Variants in PTPRG observed in about 807,000 individuals in gnomAD.
PTPRG encodes the protein receptor-type tyrosine-protein phosphatase gamma.
PTPRG carries 102 observed loss-of-function variants against 165.3 expected under a neutral mutation model. That is an observed-to-expected ratio of 0.62 (90% CI 0.53 to 0.73). PTPRG has a LOEUF of 0.73. Among genes scored for constraint, PTPRG ranks in the 30% least tolerant of loss-of-function variants. The probability of loss-of-function intolerance (pLI) is 0.00; values close to 1 mark genes in which losing one functional copy is unlikely to be tolerated. For synonymous variants in PTPRG, 675 were observed against 669.5 expected (o/e 1.01, Z -0.13); for missense variants, 1,866 against 1,861.4 (o/e 1.00, Z -0.05).
intron 15 of PTPRG, among the ~76,000 whole-genome samples, chr3:62,248,121 T>C (rs1157141135): frequency 6.6e-6 from 1 of 152,178 alleles, no homozygotes; most frequent in Non-Finnish European, 1.5e-5. Flanking sequence ...TTAGCCATGT[T>C]AGAAAAAACT....
intron 5 of PTPRG, among the ~76,000 whole-genome samples, chr3:62,087,249 G>C (rs964748839): frequency 1.3e-5 from 2 of 152,134 alleles, no homozygotes; most frequent in African/African-American, 4.8e-5. Context: ...GCCAAGCCAA[G>C]AATTTGAGTT....
At position 62,124,116 on chromosome 3, in the gene PTPRG, T is replaced by C. The variant is rs552193295; in HGVS notation, c.616-8486T>C. ...CATTCAACTTGTCCTCCTTGTGAAA[T>C]GGTTGAAAAATAAGTTCAGCGCTTA... is the stretch of plus-strand genomic sequence containing the variant. On this transcript the variant is annotated intron_variant, in intron 5 of 29. Transcript: ENST00000474889. 1.4e-5 allele frequency: 8 copies of C among 561,872 alleles called. No individual in the cohort carries two copies. In the East Asian group the frequency reaches 2.0e-4, roughly 14 times the overall value. 34.8% of individuals were successfully genotyped at this position (561,872 alleles called of 1,614,324 possible). A position where few individuals can be genotyped will look rare whatever the true frequency, so the allele number is the denominator to read the frequency against.
chr3:62,003,295 C>G lies in PTPRG; in HGVS notation c.371-54C>G, dbSNP rs1418224860. 1.9e-6 allele frequency: 3 copies of G among 1,564,310 alleles called. No individual in the cohort carries two copies. In the African/African-American group the frequency reaches 4.1e-5, roughly 21 times the overall value. On this transcript the variant is annotated intron_variant, in intron 3 of 29. Coordinates refer to ENST00000474889, the MANE Select transcript of PTPRG (RefSeq NM_002841.4). Reference sequence around the variant, plus strand: ...TTTATTAGAAGTAACAGAAAAACTCCATTTGGTTTTGAAACTCACTTTGTT... The same window carrying G: ...TTTATTAGAAGTAACAGAAAAACTCGATTTGGTTTTGAAACTCACTTTGTT...
chr3:62,107,315 G>A (rs1439742961), intron 5 of PTPRG, among the ~76,000 whole-genome samples: 1 of 152,180 alleles, frequency 6.6e-6, no homozygotes, highest in African/African-American at 2.4e-5. Context: ...CCTAATTTGA[G>A]ATTTTTGTGT....
chr3:61,771,815 C>G (rs2034213408), intron 2 of PTPRG, among the ~76,000 whole-genome samples: 1 of 151,964 alleles, frequency 6.6e-6, no homozygotes, highest in Non-Finnish European at 1.5e-5. Flanking sequence ...AATCCCACCA[C>G]TTTGGGAGGC....
At chr3:61,921,979 T>A (rs1485678044) in intron 2 of PTPRG, among the ~76,000 whole-genome samples, 2 of 152,222 alleles carry the variant, frequency 1.3e-5, no homozygotes, top group Non-Finnish European at 2.9e-5. Flanking sequence ...CAGATCTGTC[T>A]TTAATGTATC....
At chr3:61,713,374 T>C (rs1434168498) in intron 1 of PTPRG, among the ~76,000 whole-genome samples, 1 of 150,894 alleles carries the variant, frequency 6.6e-6, no homozygotes, top group East Asian at 2.0e-4. Context: ...GGTTTCACCA[T>C]GTTGGCCAGG....
intron 1 of PTPRG, among the ~76,000 whole-genome samples, chr3:61,630,401 T>G (rs939616403): frequency 2.0e-5 from 3 of 152,212 alleles, no homozygotes; most frequent in African/African-American, 7.2e-5. Context: ...CATTTAAGTT[T>G]TCTTAGCGTT....
intron 2 of PTPRG, among the ~76,000 whole-genome samples, chr3:61,791,689 T>C (rs1320554001): frequency 1.3e-5 from 2 of 152,194 alleles, no homozygotes; most frequent in Non-Finnish European, 2.9e-5. Context: ...GGTTTCACCA[T>C]GTTGGCCAGG....
At chr3:61,739,511 A>C (rs903871105) in intron 1 of PTPRG, among the ~76,000 whole-genome samples, 2 of 152,204 alleles carry the variant, frequency 1.3e-5, no homozygotes, top group Non-Finnish European at 2.9e-5. Flanking sequence ...ATGATGCCTA[A>C]AATTCAATTT....
chr3:61,567,693 C>G (rs1374996900), intron 1 of PTPRG, among the ~76,000 whole-genome samples: 2 of 128,226 alleles, frequency 1.6e-5, no homozygotes, highest in Admixed American at 7.8e-5. Context: ...ATTAAAAGAT[C>G]AAATGTAGGC....
chr3:61,634,272 C>T (rs1208831388), intron 1 of PTPRG, among the ~76,000 whole-genome samples: 1 of 152,000 alleles, frequency 6.6e-6, no homozygotes, highest in Non-Finnish European at 1.5e-5. Flanking sequence ...GAGTCTCCTA[C>T]TGTCATCTGG....
At chr3:62,197,139 TC>T (rs1699985482) in intron 10 of PTPRG, among the ~76,000 whole-genome samples, 1 of 152,162 alleles carries the variant, frequency 6.6e-6, no homozygotes, top group African/African-American at 2.4e-5. Flanking sequence ...TGAGAATGTT[TC>T]TTAACTGCTT....
Position 62,224,398 on chromosome 3 carries a change from T to C in PTPRG, c.2288+5415T>C, listed in dbSNP as rs1700716284. ...CTGGAACACATATCTCCCAAACTGG[T>C]GTAGCAGGGATAGAGAAGTTGAGGA... is the stretch of plus-strand genomic sequence containing the variant. On this transcript the variant is annotated intron_variant, in intron 13 of 29. Coordinates refer to ENST00000474889, the MANE Select transcript of PTPRG (RefSeq NM_002841.4). This position sits in a 1 kb window ranked among gnomAD's most constrained non-coding sequence, Gnocchi z 4.9. Among the ~76,000 whole-genome samples the C allele has an allele frequency of 6.6e-6, 1 of 152,280 alleles. No homozygotes were observed. The highest frequency in any genetic ancestry group is 1.5e-5 in the Non-Finnish European group (1 of 68,016).
At chr3:61,910,636 C>T (rs776926677) in intron 2 of PTPRG, among the ~76,000 whole-genome samples, 1 of 152,136 alleles carries the variant, frequency 6.6e-6, no homozygotes, top group Non-Finnish European at 1.5e-5. Context: ...CCTTGTAGTA[C>T]CTGGTGCAGG....
At chr3:61,798,741 C>A (rs2035139466) in intron 2 of PTPRG, among the ~76,000 whole-genome samples, 1 of 151,142 alleles carries the variant, frequency 6.6e-6, no homozygotes, top group African/African-American at 2.4e-5. Flanking sequence ...TAAAAGTTGG[C>A]TCAACAACAG....
intron 1 of PTPRG, among the ~76,000 whole-genome samples, chr3:61,576,881 C>G (rs1311880017): frequency 6.6e-6 from 1 of 152,172 alleles, no homozygotes; most frequent in Non-Finnish European, 1.5e-5. Flanking sequence ...GTATAGGGAT[C>G]TAAATTCACT....
intron 6 of PTPRG, among the ~76,000 whole-genome samples, chr3:62,136,231 T>C (rs1453699743): frequency 6.6e-6 from 1 of 152,186 alleles, no homozygotes; most frequent in Non-Finnish European, 1.5e-5. Flanking sequence ...CATTGAGACA[T>C]GGACCTGCCC....
intron 5 of PTPRG, among the ~76,000 whole-genome samples, chr3:62,122,530 G>A (rs1208664411): frequency 6.6e-6 from 1 of 152,186 alleles, no homozygotes; most frequent in African/African-American, 2.4e-5. Context: ...TAATTGCTGT[G>A]GATATGAAAC....
Sources: gnomAD v4.1 joint callset for allele counts (sites outside exome capture counted in the v4.1 genomes callset) on GRCh38, gnomAD v4.1.1 for gene constraint, Gnocchi (gnomAD v3.1) non-coding constraint, MANE v1.5 for transcripts, NCBI Gene and HGNC (gene_info 2026-07-23, HGNC 2026-07-21) for gene names.